The following CNTNAP2 variants were observed in gnomAD, a reference collection of about 807,000 sequenced individuals.
CNTNAP2 encodes the protein contactin associated protein 2.
Under a neutral mutation model 155.2 loss-of-function variants are expected in CNTNAP2, and 98 were observed. That is an observed-to-expected ratio of 0.63 (90% CI 0.54 to 0.75). The LOEUF is 0.75. Ranked by LOEUF, CNTNAP2 falls within the 30% of genes least tolerant of loss-of-function variation. CNTNAP2 has a pLI of 0.00. For missense variants in CNTNAP2, 1,727 were observed against 1,688.1 expected (o/e 1.02, Z -0.40); for synonymous variants, 651 against 631.2 (o/e 1.03, Z -0.47).
At chr7:147,800,837 T>C (rs1156437525) in intron 13 of CNTNAP2, among the ~76,000 whole-genome samples, 1 of 152,222 alleles carries the variant, frequency 6.6e-6, no homozygotes, top group Non-Finnish European at 1.5e-5. Context: ...TGTTTAGATA[T>C]ACACATAGTT....
intron 1 of CNTNAP2, among the ~76,000 whole-genome samples, chr7:146,609,509 A>T (rs1030216923): frequency 1.3e-5 from 2 of 152,154 alleles, no homozygotes; most frequent in African/African-American, 2.4e-5. Flanking sequence ...AAATTGAAAC[A>T]TCAGTCTGTT....
intron 20 of CNTNAP2, among the ~76,000 whole-genome samples, chr7:148,245,298 C>T (rs1182514025): frequency 6.6e-6 from 1 of 152,166 alleles, no homozygotes; most frequent in Non-Finnish European, 1.5e-5. Flanking sequence ...CCTCAGTTTC[C>T]TCAACTGTAA....
intron 3 of CNTNAP2, among the ~76,000 whole-genome samples, chr7:146,848,037 A>G (rs766504091): frequency 9.2e-5 from 14 of 152,220 alleles, no homozygotes; most frequent in South Asian, 4.1e-4. Context: ...AAATAGGCTT[A>G]TAAGTATTAA....
At position 148,261,568 on chromosome 7, in the gene CNTNAP2, G is replaced by A. The variant is rs189615141; in HGVS notation, c.3382-5465G>A. On this transcript the variant is annotated intron_variant, in intron 20 of 23. Transcript: ENST00000361727. ...TTCAGGACCTTGCTGGAGAAGGTGT[G>A]TCTGCCTGGCAGAGAGCAGAGACCC... Among the ~76,000 whole-genome samples the A allele has an allele frequency of 1.6e-3, 246 of 152,336 alleles. 1 individual carries two copies. The highest frequency in any genetic ancestry group is 3.0e-3 in the Admixed American group (46 of 15,304).
chr7:146,670,496 CCT>C, intron 1 of CNTNAP2, among the ~76,000 whole-genome samples: 1 of 152,174 alleles, frequency 6.6e-6, no homozygotes, highest in South Asian at 2.1e-4. Flanking sequence ...AAAATTCTGC[CCT>C]GTTTATAGTC....
rs550295979 is a variant in CNTNAP2, at chr7:147,300,456, T to C, written c.1498+166T>C. ...AAAACAAAAAAAGAAAAGGAAAAAT[T>C]TTATTTCTTTCTGATGAAGATATTA... On this transcript the variant is annotated intron_variant, in intron 9 of 23. Coordinates refer to ENST00000361727, the MANE Select transcript of CNTNAP2 (RefSeq NM_014141.6). Among the ~76,000 whole-genome samples the C allele has an allele frequency of 3.3e-5, 5 of 152,128 alleles. No homozygotes were observed. In the East Asian group the frequency reaches 9.7e-4, roughly 29 times the overall value.
At chr7:148,316,477 A>G (rs1029832090) in intron 21 of CNTNAP2, among the ~76,000 whole-genome samples, 4 of 152,172 alleles carry the variant, frequency 2.6e-5, no homozygotes, top group Admixed American at 2.6e-4. Flanking sequence ...TCTAGGAAGG[A>G]ATTATATATT....
intron 1 of CNTNAP2, among the ~76,000 whole-genome samples, chr7:146,730,877 T>C (rs1273797947): frequency 6.6e-6 from 1 of 152,216 alleles, no homozygotes; most frequent in African/African-American, 2.4e-5. Context: ...CATTGATGAA[T>C]AATAATCAAT....
intron 14 of CNTNAP2, among the ~76,000 whole-genome samples, chr7:147,950,243 G>A (rs1445545967): frequency 6.6e-6 from 1 of 151,728 alleles, no homozygotes; most frequent in South Asian, 2.1e-4. Flanking sequence ...TGTGCCATTA[G>A]GATTAATGCA....
intron 21 of CNTNAP2, among the ~76,000 whole-genome samples, chr7:148,329,781 TCCAG>T (rs1797953632): frequency 6.6e-6 from 1 of 152,196 alleles, no homozygotes; most frequent in Non-Finnish European, 1.5e-5. Context: ...ACGTTCTTTA[TCCAG>T]CCTTATGCCT....
rs113380133 is a variant in CNTNAP2, at chr7:147,717,823, G to A, written c.2098+78517G>A. ...GGGTGCTTGAGTCCAGGAGTTCATA[G>A]TGAGTTATGATGGTGCCACTGCACT... On this transcript the variant is annotated intron_variant, in intron 13 of 23. Transcript: ENST00000361727. Among the ~76,000 whole-genome samples the A allele has an allele frequency of 6.0e-3, 907 of 152,128 alleles. 11 individuals are homozygous for A. The highest frequency in any genetic ancestry group is 0.021 in the African/African-American group (866 of 41,522).
intron 18 of CNTNAP2, among the ~76,000 whole-genome samples, chr7:148,196,146 A>G (rs562017353): frequency 2.0e-5 from 3 of 152,338 alleles, no homozygotes; most frequent in African/African-American, 7.2e-5. Context: ...CACACGTCAG[A>G]TTAATTTTCC....
chr7:146,553,732 GA>G (rs1293677588), intron 1 of CNTNAP2, among the ~76,000 whole-genome samples: 1 of 151,914 alleles, frequency 6.6e-6, no homozygotes, highest in African/African-American at 2.4e-5. Flanking sequence ...ATCACATAGT[GA>G]ACATTTCAAT....
At chr7:147,558,647 A>G (rs1799994984) in intron 11 of CNTNAP2, among the ~76,000 whole-genome samples, 1 of 152,214 alleles carries the variant, frequency 6.6e-6, no homozygotes, top group Non-Finnish European at 1.5e-5. Context: ...GGCAAGCACA[A>G]TAATTGTTAT....
In CNTNAP2 at chr7:146,198,062, G is replaced by A. The variant is rs150247712; in HGVS notation, c.97+81089G>A. Among the ~76,000 whole-genome samples the A allele has an allele frequency of 9.6e-3, 1,466 of 152,092 alleles. 9 individuals carry two copies. The highest frequency in any genetic ancestry group is 0.016 in the Non-Finnish European group (1,114 of 67,996). ...GAACTCACTCACTATCATGAGAACCGCATGGGGGAAATCACCCCCATGATC... is the reference window on the plus strand; with the variant it reads ...GAACTCACTCACTATCATGAGAACCACATGGGGGAAATCACCCCCATGATC... On this transcript the variant is annotated intron_variant, in intron 1 of 23. Coordinates refer to ENST00000361727, the MANE Select transcript of CNTNAP2 (RefSeq NM_014141.6).
In CNTNAP2 at chr7:146,922,695, T is replaced by C. The variant is rs371261351; in HGVS notation, c.402+82791T>C. Reference sequence around the variant, plus strand: ...CTGCGATTGTAAAAATGTTACTTAATTCCTCTGATTCTAATTTCTCATTTG... The same window carrying C: ...CTGCGATTGTAAAAATGTTACTTAACTCCTCTGATTCTAATTTCTCATTTG... On this transcript the variant is annotated intron_variant, in intron 3 of 23. Transcript: ENST00000361727. Among the ~76,000 whole-genome samples the C allele has an allele frequency of 1.3e-3, 198 of 152,272 alleles. 3 individuals are homozygous for C. In the South Asian group the frequency reaches 0.028, roughly 21 times the overall value.
intron 1 of CNTNAP2, among the ~76,000 whole-genome samples, chr7:146,573,927 A>T (rs1313909469): frequency 6.6e-6 from 1 of 152,218 alleles, no homozygotes; most frequent in Admixed American, 6.5e-5. Flanking sequence ...ATTATCTGGC[A>T]CATAAAAAAT....
intron 1 of CNTNAP2, among the ~76,000 whole-genome samples, chr7:146,577,740 T>G (rs2129147182): frequency 6.6e-6 from 1 of 152,206 alleles, no homozygotes; most frequent in African/African-American, 2.4e-5. Flanking sequence ...TTTAAACACA[T>G]TAATATTTAA....
chr7:148,123,865 A>AG (rs1491481963), intron 16 of CNTNAP2, among the ~76,000 whole-genome samples: 1 of 152,208 alleles, frequency 6.6e-6, no homozygotes, highest in Non-Finnish European at 1.5e-5. Flanking sequence ...AAGGAAAAAA[A>AG]GAGGGTTAGA....
Sources: gnomAD v4.1 joint callset for allele counts (sites outside exome capture counted in the v4.1 genomes callset) on GRCh38, gnomAD v4.1.1 for gene constraint, MANE v1.5 for transcripts, NCBI Gene and HGNC (gene_info 2026-07-23, HGNC 2026-07-21) for gene names.